The following NRDC variants were observed in gnomAD, a reference collection of about 807,000 sequenced individuals.
The protein encoded by NRDC is nardilysin.
Under a neutral mutation model 147.1 loss-of-function variants are expected in NRDC, and 54 were observed. The ratio of observed to expected loss-of-function variants is 0.37; its 90% CI spans 0.29 to 0.46. NRDC has a LOEUF of 0.46. Ranked by LOEUF, NRDC falls within the 20% of genes least tolerant of loss-of-function variation. The probability of loss-of-function intolerance (pLI) is 1.00; values close to 1 mark genes in which losing one functional copy is unlikely to be tolerated. For synonymous variants in NRDC, 440 were observed against 482.1 expected, an observed-to-expected ratio of 0.91 and a Z score of 1.14; for missense variants, 1,082 against 1,370.6, an observed-to-expected ratio of 0.79 and a Z score of 3.33.
intron 14 of NRDC, 43 bp from the exon 15 acceptor site, chr1:51,812,141 T>C: frequency 7.6e-7 from 1 of 1,321,548 alleles, no homozygotes; most frequent in Non-Finnish European, 1.1e-6. Flanking sequence ...TTCTCCATTA[T>C]TATATTTGAT....
chr1:51,835,476 T>G (rs1680919246), intron 3 of NRDC, among the ~76,000 whole-genome samples: 1 of 147,816 alleles, frequency 6.8e-6, no homozygotes. Context: ...TGTTTTTTTT[T>G]TTTTTTTTTT....
At chr1:51,866,718 A>T (rs986490329) in intron 1 of NRDC, among the ~76,000 whole-genome samples, 1 of 152,102 alleles carries the variant, frequency 6.6e-6, no homozygotes, top group East Asian at 1.9e-4. Context: ...ATTATGAGAC[A>T]TCTAATGTGA....
chr1:51,791,101 T>A, intron 27 of NRDC, 111 bp from the exon 28 acceptor site: 1 of 737,496 alleles, frequency 1.4e-6, no homozygotes, highest in Admixed American at 2.7e-5. Context: ...AAGACATATA[T>A]CCAGGAAAAA....
intron 18 of NRDC, 82 bp from the exon 19 acceptor site, chr1:51,805,643 A>G: frequency 2.5e-6 from 2 of 806,754 alleles, no homozygotes; most frequent in Non-Finnish European, 3.9e-6. Flanking sequence ...TAATATATAT[A>G]TTTTTTAAAT....
At position 51,806,888 on chromosome 1, in the gene NRDC, G is replaced by A. The variant is rs1290658691; in HGVS notation, c.2016C>T (p.Phe672=). ...YIATDFTLKA[F]DCPETEYPVK... is the part of the protein sequence containing the mutation. ...CTGGGTATTCTGTTTCCGGGCAATC[G>A]AAAGCCTTCAACGTAAAGTCCGTGG... The change falls in exon 18 of 31, where the codon TTC becomes TTT. Residue 672 remains phenylalanine (F), a synonymous_variant. Transcript: ENST00000352171. The A allele has an allele frequency of 6.2e-6, 10 of 1,613,708 alleles. No homozygotes were observed. The highest frequency in any genetic ancestry group is 3.3e-5 in the Admixed American group (2 of 59,978).
chr1:51,808,498 T>C (rs569500396), intron 17 of NRDC, among the ~76,000 whole-genome samples: 2 of 152,388 alleles, frequency 1.3e-5, no homozygotes, highest in African/African-American at 2.4e-5. Context: ...TTGTAAAGTA[T>C]GTATACATCA....
intron 17 of NRDC, among the ~76,000 whole-genome samples, chr1:51,808,443 T>C (rs1453229409): frequency 6.6e-6 from 1 of 152,228 alleles, no homozygotes; most frequent in African/African-American, 2.4e-5. Flanking sequence ...GCAAGGTTCT[T>C]CCCCATTATA....
At chr1:51,864,533 A>G (rs1164940770) in intron 1 of NRDC, among the ~76,000 whole-genome samples, 2 of 152,194 alleles carry the variant, frequency 1.3e-5, no homozygotes, top group Non-Finnish European at 2.9e-5. Flanking sequence ...CTCCTGACTG[A>G]CAAAGCCCAA....
intron 1 of NRDC, among the ~76,000 whole-genome samples, chr1:51,870,223 T>C (rs1006034248): frequency 5.3e-5 from 8 of 152,210 alleles, no homozygotes; most frequent in African/African-American, 1.9e-4. Flanking sequence ...CTCACGGGCA[T>C]TTAGCCTAGC....
rs1439435427 is a variant in NRDC, at chr1:51,794,675, T to C, written c.2637-65A>G. ...ACTATAAGAAGCTAGGCCTTCTAACTTTTCAATTGCCTTGTACACCAGCCT... is the reference window on the plus strand; with the variant it reads ...ACTATAAGAAGCTAGGCCTTCTAACCTTTCAATTGCCTTGTACACCAGCCT... On this transcript the variant is annotated intron_variant, in intron 23 of 30. Transcript: ENST00000352171. The C allele has an allele frequency of 5.0e-6, 8 of 1,597,762 alleles. No homozygotes were observed. In the East Asian group the frequency reaches 1.8e-4, roughly 36 times the overall value.
intron 1 of NRDC, among the ~76,000 whole-genome samples, chr1:51,867,395 A>G (rs190158069): frequency 5.4e-4 from 83 of 152,338 alleles, no homozygotes; most frequent in African/African-American, 1.7e-3. Flanking sequence ...TCAAATGACA[A>G]TAAGTGCTAT....
chr1:51,850,474 G>C (rs1034968395), intron 1 of NRDC, among the ~76,000 whole-genome samples: 6 of 152,200 alleles, frequency 3.9e-5, no homozygotes, highest in East Asian at 1.9e-4. Flanking sequence ...TTAAGGGCCT[G>C]TGGGCCCCTA....
intron 20 of NRDC, among the ~76,000 whole-genome samples, chr1:51,802,201 T>C (rs1679241640): frequency 6.6e-6 from 1 of 152,210 alleles, no homozygotes; most frequent in African/African-American, 2.4e-5. Flanking sequence ...GGCTCTCCTT[T>C]GACTTGTGTT....
chr1:51,852,472 T>C (rs975230027), intron 1 of NRDC, among the ~76,000 whole-genome samples: 2 of 10,900 alleles, frequency 1.8e-4, no homozygotes, highest in Non-Finnish European at 2.6e-4. Context: ...ACTATAACTA[T>C]ATATACATTA....
intron 7 of NRDC, among the ~76,000 whole-genome samples, chr1:51,821,958 CTCA>C (rs1680231016): frequency 6.6e-6 from 1 of 152,052 alleles, no homozygotes; most frequent in Non-Finnish European, 1.5e-5. Context: ...TTTTTGCCAT[CTCA>C]TCAGTACTTT....
At position 51,790,956 on chromosome 1, in the gene NRDC, G is replaced by C. The variant is rs776987919; in HGVS notation, c.2995C>G (p.Leu999Val). The C allele has an allele frequency of 1.2e-6, 2 of 1,613,342 alleles. No homozygotes were observed. Among genetic ancestry groups the C allele is most frequent in the Non-Finnish European group, 1.7e-6 (2 of 1,179,644 alleles). ...TCAATCTTCTCCTCAAAGCTAGAAA[G>C]AAACTCTTCTATCTTCTTATCAACA... ...EVVDKKIEEFLSSFEEKIENL... is the reference protein window; with the variant it reads ...EVVDKKIEEFVSSFEEKIENL... Residue 999 changes from leucine (L) to valine (V), a missense_variant, in exon 28 of 31, where the codon CTT (leucine) becomes GTT (valine). Transcript: ENST00000352171.
At chr1:51,795,273 TTC>T in intron 22 of NRDC, 1 of 1,153,310 alleles carries the variant, frequency 8.7e-7, no homozygotes, top group African/African-American at 1.6e-5. Flanking sequence ...TTCTTAAGAA[TTC>T]TGTTTTCTTA....
intron 2 of NRDC, among the ~76,000 whole-genome samples, chr1:51,838,999 G>A (rs577438316): frequency 6.6e-6 from 1 of 152,016 alleles, no homozygotes; most frequent in African/African-American, 2.4e-5. Flanking sequence ...ACAGGAAAAA[G>A]CTTCTTAAAA....
chr1:51,801,030 G>A (rs942604962), intron 20 of NRDC: 13 of 170,200 alleles, frequency 7.6e-5, no homozygotes, highest in Admixed American at 7.6e-4. Flanking sequence ...CTTTTGTACA[G>A]ACAAGGTCTT....
Sources: allele counts gnomAD v4.1 joint callset (sites outside exome capture counted in the v4.1 genomes callset), GRCh38; gene constraint gnomAD v4.1.1; transcripts MANE v1.5; gene names NCBI Gene and HGNC (gene_info 2026-07-23, HGNC 2026-07-21).